Variants in POU6F2 observed in about 807,000 individuals in gnomAD.
POU6F2 encodes POU class 6 homeobox 2, also known as POU domain, class 6, transcription factor 2.
In POU6F2, 31 loss-of-function variants were observed where a neutral mutation model predicts 71.3. That is an observed-to-expected ratio of 0.43 (90% CI 0.33 to 0.59). The LOEUF (loss-of-function observed/expected upper bound fraction) is 0.59. POU6F2 is among the 20% of genes least tolerant of loss of function. The pLI is 0.04. For missense variants in POU6F2, 783 were observed against 856.8 expected (o/e 0.91, Z 1.07); for synonymous variants, 347 against 355.7 (o/e 0.98, Z 0.27).
intron 1 of POU6F2, among the ~76,000 whole-genome samples, chr7:39,052,786 T>C (rs1017544146): frequency 2.0e-5 from 3 of 152,170 alleles, no homozygotes; most frequent in Non-Finnish European, 2.9e-5. Flanking sequence ...GATAAAAACA[T>C]TGTTATTTAT....
At chr7:39,366,359 C>T (rs1040185061) in intron 5 of POU6F2, among the ~76,000 whole-genome samples, 1 of 151,986 alleles carries the variant, frequency 6.6e-6, no homozygotes, top group Non-Finnish European at 1.5e-5. Flanking sequence ...ATATCACAAA[C>T]ACACACACAC....
intron 2 of POU6F2, among the ~76,000 whole-genome samples, chr7:39,179,201 A>G (rs1326347297): frequency 6.6e-6 from 1 of 152,250 alleles, no homozygotes; most frequent in Admixed American, 6.5e-5. Context: ...TGATCCCAAA[A>G]GACCAGAGAG....
At chr7:39,378,273 C>G (rs1786748788) in intron 5 of POU6F2, among the ~76,000 whole-genome samples, 1 of 152,210 alleles carries the variant, frequency 6.6e-6, no homozygotes, top group Non-Finnish European at 1.5e-5. Context: ...TCCCTTCTCT[C>G]TGTCCCCACT....
At chr7:39,354,130 G>A (rs1175815865) in intron 5 of POU6F2, among the ~76,000 whole-genome samples, 2 of 152,230 alleles carry the variant, frequency 1.3e-5, no homozygotes, top group African/African-American at 4.8e-5. Flanking sequence ...CAAATGGGAG[G>A]TGGGGGGAAC....
intron 2 of POU6F2, among the ~76,000 whole-genome samples, chr7:39,146,213 A>G (rs563785801): frequency 6.6e-6 from 1 of 152,276 alleles, no homozygotes; most frequent in Admixed American, 6.5e-5. Context: ...ATAAGGATGA[A>G]CTGCTTTTGG....
chr7:39,443,044 A>T (rs1788439888), intron 7 of POU6F2, among the ~76,000 whole-genome samples: 1 of 152,076 alleles, frequency 6.6e-6, no homozygotes, highest in African/African-American at 2.4e-5. Context: ...TCAGTAATCC[A>T]TTTCCATAGT....
intron 1 of POU6F2, among the ~76,000 whole-genome samples, chr7:39,076,300 T>C (rs1239764282): frequency 6.6e-6 from 1 of 151,386 alleles, no homozygotes; most frequent in Non-Finnish European, 1.5e-5. Context: ...ACACACTTAC[T>C]GAGAGCCTAT....
chr7:39,121,484 A>G (rs1792040005), intron 2 of POU6F2, among the ~76,000 whole-genome samples: 1 of 152,230 alleles, frequency 6.6e-6, no homozygotes, highest in Non-Finnish European at 1.5e-5. Flanking sequence ...CCAACTGGTT[A>G]GAAAAGATTG....
rs1415952435 is a variant in POU6F2, at chr7:39,467,294, C to T, written c.*2608C>T. ...ACAAGGCATAAAAAGGTGCCTGAAC[C>T]GATTCTTAGGAATATAAATTATACT... On this transcript the variant is annotated 3_prime_UTR_variant, in exon 10 of 10. Transcript: ENST00000518318. 1 of 152,032 alleles carries T rather than the reference C, an allele frequency of 6.6e-6. No individual in the cohort carries two copies. Among genetic ancestry groups the T allele is most frequent in the African/African-American group, 2.4e-5 (1 of 41,378 alleles). The allele number at this position is 152,032 out of a possible 1,614,324, so 9.4% of individuals were successfully genotyped here. A position where few individuals can be genotyped will look rare whatever the true frequency, so the allele number is the denominator to read the frequency against.
At chr7:39,289,816 T>C (rs922896565) in intron 4 of POU6F2, among the ~76,000 whole-genome samples, 2 of 152,170 alleles carry the variant, frequency 1.3e-5, no homozygotes, top group Admixed American at 6.6e-5. Flanking sequence ...ATTTCCATTA[T>C]TATTTGTAGT....
intron 2 of POU6F2, among the ~76,000 whole-genome samples, chr7:39,088,777 A>T (rs1266338722): frequency 1.3e-5 from 2 of 152,174 alleles, no homozygotes; most frequent in African/African-American, 4.8e-5. Context: ...CTGAAATTTC[A>T]GTATAAATGG....
chr7:39,417,919 G>A (rs956800008), intron 6 of POU6F2, among the ~76,000 whole-genome samples: 1 of 152,174 alleles, frequency 6.6e-6, no homozygotes, highest in African/African-American at 2.4e-5. Flanking sequence ...TTGTTAGGAG[G>A]ATTAGTATTA....
chr7:39,403,381 A>C (rs767766520), intron 5 of POU6F2, among the ~76,000 whole-genome samples: 1 of 152,168 alleles, frequency 6.6e-6, no homozygotes, highest in Non-Finnish European at 1.5e-5. Flanking sequence ...AAGCTTCCAC[A>C]TTTATCAACA....
At chr7:39,357,015 C>T (rs1184421431) in intron 5 of POU6F2, among the ~76,000 whole-genome samples, 7 of 152,130 alleles carry the variant, frequency 4.6e-5, no homozygotes. Context: ...TCTTGCTATT[C>T]AGAATATAAT....
chr7:39,058,046 C>A (rs1055138342), intron 1 of POU6F2, among the ~76,000 whole-genome samples: 2 of 152,190 alleles, frequency 1.3e-5, no homozygotes, highest in Non-Finnish European at 2.9e-5. Flanking sequence ...CTGTTAAGTT[C>A]TGATAAACTC....
chr7:39,272,036 G>A (rs1784349119), intron 4 of POU6F2, among the ~76,000 whole-genome samples: 1 of 152,030 alleles, frequency 6.6e-6, no homozygotes, highest in African/African-American at 2.4e-5. Flanking sequence ...TTACAGAAAA[G>A]CTAGTGCTTC....
intron 5 of POU6F2, among the ~76,000 whole-genome samples, chr7:39,399,718 C>T (rs1583574550): frequency 6.6e-6 from 1 of 152,114 alleles, no homozygotes; most frequent in East Asian, 1.9e-4. Context: ...GGAGAGGTGG[C>T]ATGAACCTAT....
intron 2 of POU6F2, among the ~76,000 whole-genome samples, chr7:39,176,900 G>A (rs1467287386): frequency 6.6e-6 from 1 of 152,060 alleles, no homozygotes; most frequent in Admixed American, 6.6e-5. Flanking sequence ...AAAGTTAAGG[G>A]GCATAATGAA....
At chr7:39,330,757 A>G (rs1056293449) in intron 4 of POU6F2, among the ~76,000 whole-genome samples, 1 of 152,188 alleles carries the variant, frequency 6.6e-6, no homozygotes, top group African/African-American at 2.4e-5. Context: ...TGATATTTCC[A>G]TGCATATCTA....
Sources: allele counts gnomAD v4.1 joint callset (sites outside exome capture counted in the v4.1 genomes callset), GRCh38; gene constraint gnomAD v4.1.1; transcripts MANE v1.5; gene names NCBI Gene and HGNC (gene_info 2026-07-23, HGNC 2026-07-21).